RABEP1: variants seen among roughly 807,000 people sequenced by gnomAD.
The protein encoded by RABEP1 is rabaptin, RAB GTPase binding effector protein 1.
In RABEP1, 51 loss-of-function variants were observed where a neutral mutation model predicts 123.4. The ratio of observed to expected loss-of-function variants is 0.41; its 90% CI spans 0.33 to 0.52. The LOEUF is 0.52. RABEP1 is among the 20% of genes least tolerant of loss of function. RABEP1 has a pLI of 0.16. For synonymous variants in RABEP1, 347 were observed against 355.2 expected (o/e 0.98, Z 0.26); for missense variants, 888 against 996.3 (o/e 0.89, Z 1.46).
intron 17 of RABEP1, among the ~76,000 whole-genome samples, chr17:5,382,849 G>A (rs1161712658): frequency 6.6e-6 from 1 of 151,498 alleles, no homozygotes; most frequent in Non-Finnish European, 1.5e-5. Flanking sequence ...GAACCCGGGA[G>A]GTGGAGACTA....
rs1911716388 is a variant in RABEP1, at chr17:5,383,862, AG to A, written c.*641del. ...CAATTCATGAAGTGAATTAATGATG[AG>A]GATCTGAAAACTTGGCTGGGGCTAT... is the stretch of plus-strand genomic sequence containing the variant. On this transcript the variant is annotated 3_prime_UTR_variant, in exon 18 of 18. Transcript: ENST00000537505. 4.5e-6 allele frequency: 1 copy of A among 223,312 alleles called. No individual in the cohort carries two copies. The highest frequency in any genetic ancestry group is 8.9e-6 in the Non-Finnish European group (1 of 111,862). 13.8% of individuals were successfully genotyped at this position (223,312 alleles called of 1,614,324 possible).
intron 2 of RABEP1, among the ~76,000 whole-genome samples, chr17:5,326,611 A>G (rs917666947): frequency 8.5e-5 from 13 of 152,182 alleles, no homozygotes; most frequent in Non-Finnish European, 1.8e-4. Context: ...AGCACATTTA[A>G]GAGTGAACCC....
intron 9 of RABEP1, among the ~76,000 whole-genome samples, chr17:5,362,380 G>A (rs554867447): frequency 3.3e-5 from 5 of 152,270 alleles, no homozygotes; most frequent in South Asian, 2.1e-4. Context: ...TGACTTAGTC[G>A]CAAAACCTGA....
intron 5 of RABEP1, among the ~76,000 whole-genome samples, chr17:5,342,214 G>A (rs1204079897): frequency 6.6e-6 from 1 of 150,776 alleles, no homozygotes; most frequent in Non-Finnish European, 1.5e-5. Context: ...CTATTCACAA[G>A]AGTAAAAAAA....
intron 1 of RABEP1, among the ~76,000 whole-genome samples, chr17:5,293,687 G>A (rs1181941583): frequency 1.3e-5 from 2 of 152,168 alleles, no homozygotes; most frequent in Non-Finnish European, 2.9e-5. Context: ...GATTACAGGT[G>A]TGAGCCACTG....
intron 2 of RABEP1, among the ~76,000 whole-genome samples, chr17:5,318,221 G>A: frequency 6.6e-6 from 1 of 152,172 alleles, no homozygotes; most frequent in Non-Finnish European, 1.5e-5. Flanking sequence ...ATTGATATCA[G>A]AAGTGGACTT....
At chr17:5,382,083 AT>A (rs58178661) in intron 17 of RABEP1, among the ~76,000 whole-genome samples, 61,192 of 142,874 alleles carry the variant, frequency 0.43, 13,072 homozygotes, top group East Asian at 0.83. Context: ...GGAACTTCGG[AT>A]TTTTTTTTTT....
At chr17:5,329,063 A>C (rs942481910) in intron 2 of RABEP1, among the ~76,000 whole-genome samples, 1 of 135,524 alleles carries the variant, frequency 7.4e-6, no homozygotes, top group Non-Finnish European at 1.5e-5. Flanking sequence ...GTTTTACCAG[A>C]GATTTGGTAT....
intron 17 of RABEP1, among the ~76,000 whole-genome samples, chr17:5,381,898 A>C (rs1911498504): frequency 6.7e-6 from 1 of 149,464 alleles, no homozygotes; most frequent in African/African-American, 2.5e-5. Context: ...TCCCCTCCTG[A>C]CTCCTTTCTT....
In RABEP1 at chr17:5,367,881, G is replaced by A. The variant is rs538188685; in HGVS notation, c.1786-489G>A. Among the ~76,000 whole-genome samples, 52 of 150,380 alleles carry A rather than the reference G, an allele frequency of 3.5e-4. 1 individual carries two copies. The highest frequency in any genetic ancestry group is 1.0e-3 in the Admixed American group (15 of 14,940). On this transcript the variant is annotated intron_variant, in intron 11 of 17. Coordinates refer to ENST00000537505, the MANE Select transcript of RABEP1 (RefSeq NM_004703.6). The stretch of plus-strand genomic sequence containing the variant: ...AGCAATTCTCCTGCCTCAGCCTCCC[G>A]AGTAGCTGGAATACAGGTGCCCGCC...
chr17:5,381,826 T>A (rs190364094), intron 17 of RABEP1: 93 of 199,042 alleles, frequency 4.7e-4, no homozygotes, highest in African/African-American at 2.0e-3. Context: ...TTTTACATGT[T>A]TAACTGCTTG....
intron 2 of RABEP1, 28 bp downstream of exon 2, chr17:5,308,850 C>A: frequency 6.4e-7 from 1 of 1,560,674 alleles, no homozygotes; most frequent in Non-Finnish European, 8.7e-7. Flanking sequence ...GCACCAACTT[C>A]AATGCGAAAA....
At chr17:5,360,149 CTA>C (rs1412386550) in intron 8 of RABEP1, among the ~76,000 whole-genome samples, 3 of 152,194 alleles carry the variant, frequency 2.0e-5, no homozygotes, top group Admixed American at 6.5e-5. Flanking sequence ...CTTTATGGCT[CTA>C]TGGATTTACT....
intron 1 of RABEP1, among the ~76,000 whole-genome samples, chr17:5,299,895 A>C (rs1274206561): frequency 1.3e-5 from 2 of 151,144 alleles, no homozygotes; most frequent in African/African-American, 2.4e-5. Context: ...ATGCCCGGCT[A>C]ATTTTTGTAT....
intron 1 of RABEP1, among the ~76,000 whole-genome samples, chr17:5,293,164 G>A (rs1374703564): frequency 6.6e-6 from 1 of 152,054 alleles, no homozygotes; most frequent in Non-Finnish European, 1.5e-5. Flanking sequence ...GTGCGTGCCT[G>A]TAATCCCAGC....
chr17:5,373,475 T>A (rs1910697854), intron 13 of RABEP1, 21 bp downstream of exon 13: 2 of 1,578,046 alleles, frequency 1.3e-6, no homozygotes, highest in East Asian at 2.3e-5. Flanking sequence ...TTCCACATGA[T>A]CAAAAATGTC....
chr17:5,322,687 A>G (rs1334213257), intron 2 of RABEP1, among the ~76,000 whole-genome samples: 1 of 152,218 alleles, frequency 6.6e-6, no homozygotes, highest in Non-Finnish European at 1.5e-5. Flanking sequence ...ATCAGCCACC[A>G]CGATCAAGTA....
intron 5 of RABEP1, among the ~76,000 whole-genome samples, chr17:5,340,669 G>A (rs1012481648): frequency 1.1e-4 from 16 of 150,028 alleles, no homozygotes; most frequent in African/African-American, 2.7e-4. Flanking sequence ...AAACTGAGCC[G>A]GGCGCAGTGG....
intron 2 of RABEP1, among the ~76,000 whole-genome samples, chr17:5,316,912 G>A (rs1029586006): frequency 1.4e-5 from 2 of 146,692 alleles, no homozygotes; most frequent in African/African-American, 5.0e-5. Context: ...TTTTTTTAAT[G>A]TTTATCTTTT....
Sources: gnomAD v4.1 joint callset for allele counts (sites outside exome capture counted in the v4.1 genomes callset) on GRCh38, gnomAD v4.1.1 for gene constraint, MANE v1.5 for transcripts, NCBI Gene and HGNC (gene_info 2026-07-23, HGNC 2026-07-21) for gene names.